The following BEND5 variants were observed in gnomAD, a reference collection of about 807,000 sequenced individuals.
BEND5 encodes BEN domain containing 5.
Under a neutral mutation model 43.9 loss-of-function variants are expected in BEND5, and 22 were observed. The ratio of observed to expected loss-of-function variants is 0.50; its 90% confidence interval spans 0.36 to 0.72. The LOEUF is 0.72. BEND5 is among the 30% of genes least tolerant of loss of function. The probability of loss-of-function intolerance (pLI) is 0.00; values close to 1 mark genes in which losing one functional copy is unlikely to be tolerated. For synonymous variants in BEND5, 228 were observed against 225.9 expected (o/e 1.01, Z -0.08); for missense variants, 428 against 550.6 (o/e 0.78, Z 2.23).
intron 1 of BEND5, among the ~76,000 whole-genome samples, chr1:48,763,205 C>T (rs1349116060): frequency 6.6e-6 from 1 of 152,106 alleles, no homozygotes; most frequent in Non-Finnish European, 1.5e-5. Context: ...TTGTTAATAA[C>T]CCCTACTGAT....
At chr1:48,749,426 A>C (rs572561112) in intron 3 of BEND5, among the ~76,000 whole-genome samples, 1 of 152,278 alleles carries the variant, frequency 6.6e-6, no homozygotes, top group African/African-American at 2.4e-5. Flanking sequence ...TGGTCCTACA[A>C]AATCGATCTT....
intron 5 of BEND5, among the ~76,000 whole-genome samples, chr1:48,731,282 A>C (rs957889529): frequency 2.0e-5 from 3 of 152,184 alleles, no homozygotes; most frequent in African/African-American, 7.2e-5. Flanking sequence ...TAAAAAAAAA[A>C]AATCAACATT....
intron 2 of BEND5, 89 bp downstream of exon 2, chr1:48,761,248 G>A (rs1463239598): frequency 3.0e-6 from 4 of 1,326,142 alleles, no homozygotes; most frequent in African/African-American, 1.5e-5. Context: ...ACATTTACAT[G>A]GGGAGAGGAA....
intron 5 of BEND5, among the ~76,000 whole-genome samples, chr1:48,735,794 A>G (rs551313780): frequency 7.2e-5 from 11 of 151,988 alleles, no homozygotes; most frequent in African/African-American, 2.4e-4. Context: ...CTGGGTACAC[A>G]GCAGCATTCC....
At chr1:48,747,322 C>A (rs913533225) in intron 3 of BEND5, among the ~76,000 whole-genome samples, 1 of 152,062 alleles carries the variant, frequency 6.6e-6, no homozygotes, top group Admixed American at 6.6e-5. Context: ...GGAAAATATA[C>A]CTTCCATGGA....
At chr1:48,768,581 A>T (rs1305347922) in intron 1 of BEND5, among the ~76,000 whole-genome samples, 1 of 152,196 alleles carries the variant, frequency 6.6e-6, no homozygotes, top group Non-Finnish European at 1.5e-5. Flanking sequence ...TGTATTCAAA[A>T]GTGAATTTAC....
intron 3 of BEND5, among the ~76,000 whole-genome samples, chr1:48,754,000 G>A (rs1652138744): frequency 6.6e-6 from 1 of 152,190 alleles, no homozygotes; most frequent in African/African-American, 2.4e-5. Context: ...TGTGAGACTT[G>A]TGTGCATCCT....
At position 48,752,899 on chromosome 1, in the gene BEND5, G is replaced by A. The variant is rs535241659; in HGVS notation, c.745+6001C>T. Among the ~76,000 whole-genome samples, 64 of 152,090 alleles carry A rather than the reference G, an allele frequency of 4.2e-4. 2 individuals carry two copies. The highest frequency in any genetic ancestry group is 2.2e-3 in the Admixed American group (34 of 15,284). The stretch of plus-strand genomic sequence containing the variant: ...TGAGTAGCTGGGACTACAGGCACGC[G>A]CCCCCATGCCCAGCTAATTTTTGTA... On this transcript the variant is annotated intron_variant, in intron 3 of 5. Transcript: ENST00000371833.
intron 5 of BEND5, 73 bp from the exon 6 acceptor site, chr1:48,728,116 G>T (rs1647466953): frequency 1.5e-6 from 2 of 1,378,598 alleles, no homozygotes; most frequent in African/African-American, 2.9e-5. Context: ...GAGGGTAAAA[G>T]AAAATGTACC....
intron 4 of BEND5, among the ~76,000 whole-genome samples, chr1:48,740,627 T>C (rs1017460464): frequency 6.6e-6 from 1 of 152,228 alleles, no homozygotes; most frequent in Non-Finnish European, 1.5e-5. Context: ...TCTGGTAGGA[T>C]GGAACTTGAT....
At chr1:48,766,483 C>G (rs1045281150) in intron 1 of BEND5, among the ~76,000 whole-genome samples, 1 of 152,234 alleles carries the variant, frequency 6.6e-6, no homozygotes, top group Admixed American at 6.5e-5. Flanking sequence ...CAGACCACGT[C>G]CTCTATCCTC....
At chr1:48,764,188 G>A (rs574669446) in intron 1 of BEND5, among the ~76,000 whole-genome samples, 41 of 152,304 alleles carry the variant, frequency 2.7e-4, no homozygotes, top group Admixed American at 2.0e-4. Flanking sequence ...GATCACTTCC[G>A]TCAGTGTAAC....
At chr1:48,735,403 A>AG (rs559092013) in intron 5 of BEND5, among the ~76,000 whole-genome samples, 11 of 151,706 alleles carry the variant, frequency 7.3e-5, no homozygotes, top group Non-Finnish European at 1.5e-4. Context: ...GGTGGGAGAG[A>AG]GGGAGGAAAG....
At chr1:48,776,241 G>A (rs2148708957) in intron 1 of BEND5, among the ~76,000 whole-genome samples, 1 of 152,302 alleles carries the variant, frequency 6.6e-6, no homozygotes, top group East Asian at 1.9e-4. Flanking sequence ...TGGGAGAGAG[G>A]TAAAGAGAAG....
At position 48,776,807 on chromosome 1, in the gene BEND5, C is replaced by T. The variant is rs1645115963; in HGVS notation, c.25G>A (p.Glu9Lys). 4 of 1,522,520 alleles carry T rather than the reference C, an allele frequency of 2.6e-6. No individual in the cohort carries two copies. The highest frequency in any genetic ancestry group is 2.6e-6 in the Non-Finnish European group (3 of 1,135,890). 94.3% of individuals were successfully genotyped at this position (1,522,520 alleles called of 1,614,324 possible). A position where few individuals can be genotyped will look rare whatever the true frequency, so the allele number is the denominator to read the frequency against. ...GGCAGCGCGTAGCAGACGTTGTCCT[C>T]CAGGAACCGCACAAAGGCGTACATG... MYAFVRFL[E>K]DNVCYALPVS... Residue 9 changes from glutamate to lysine, a missense_variant, in exon 1 of 6, where the codon GAG (glutamate) becomes AAG (lysine). This residue lies in a region of BEND5 where 107 missense variants were observed against 98.8 expected (regional missense o/e 1.08). Transcript: ENST00000371833.
Position 48,727,915 on chromosome 1 carries a change from G to C in BEND5, c.1237C>G (p.Arg413Gly). 1 of 1,605,894 alleles carries C rather than the reference G, an allele frequency of 6.2e-7. No individual in the cohort carries two copies. The highest frequency in any genetic ancestry group is 8.5e-7 in the Non-Finnish European group (1 of 1,174,472). The part of the protein sequence containing the change: ...DINKSCKNEE[R>G]REAKYNLQ ...TGCAAATTGTATTTTGCTTCCCTTC[G>C]TTCTTCATTTTTACAGGATTTATTG... The change falls in exon 6 of 6, where the codon CGA (arginine) becomes GGA (glycine). Residue 413 changes from arginine (R) to glycine (G), a missense_variant. This residue lies in a region of BEND5 where 75 missense variants were observed against 148.5 expected (regional missense o/e 0.50). Coordinates refer to ENST00000371833, the MANE Select transcript of BEND5 (RefSeq NM_024603.4).
chr1:48,770,467 G>T (rs1433675880), intron 1 of BEND5, among the ~76,000 whole-genome samples: 1 of 151,774 alleles, frequency 6.6e-6, no homozygotes, highest in African/African-American at 2.4e-5. Flanking sequence ...TTTTTTTCAG[G>T]CTCTTCTTTA....
chr1:48,770,794 G>A (rs1317928923), intron 1 of BEND5, among the ~76,000 whole-genome samples: 1 of 152,138 alleles, frequency 6.6e-6, no homozygotes, highest in African/African-American at 2.4e-5. Context: ...ATTACAACCA[G>A]TCAGTTACTA....
chr1:48,768,662 G>C (rs556966894), intron 1 of BEND5, among the ~76,000 whole-genome samples: 2 of 152,286 alleles, frequency 1.3e-5, no homozygotes, highest in East Asian at 1.9e-4. Context: ...ATATAATCAG[G>C]CTGGGCAATT....
Sources: allele counts gnomAD v4.1 joint callset (sites outside exome capture counted in the v4.1 genomes callset), GRCh38; gene constraint gnomAD v4.1.1; regional missense constraint gnomAD v4.1.1; transcripts MANE v1.5; gene names NCBI Gene and HGNC (gene_info 2026-07-23, HGNC 2026-07-21).